SLC1A1: variants seen among roughly 807,000 people sequenced by gnomAD.
SLC1A1 encodes solute carrier family 1 member 1.
Under a neutral mutation model 53.3 loss-of-function variants are expected in SLC1A1, and 43 were observed. The ratio of observed to expected loss-of-function variants is 0.81; its 90% CI spans 0.63 to 1.04. SLC1A1 has a LOEUF of 1.04. SLC1A1 is among the 50% of genes least tolerant of loss of function. SLC1A1 has a pLI of 0.00. For synonymous variants in SLC1A1, 307 were observed against 243.2 expected (o/e 1.26, Z -2.44); for missense variants, 748 against 664.9 (o/e 1.12, Z -1.37).
intron 1 of SLC1A1, among the ~76,000 whole-genome samples, chr9:4,503,448 A>C (rs10974582): frequency 0.059 from 8,933 of 151,786 alleles, 1,147 homozygotes; most frequent in African/African-American, 0.2. Context: ...ATCCACAATC[A>C]CTAACATGAT....
intron 2 of SLC1A1, among the ~76,000 whole-genome samples, chr9:4,546,778 T>G (rs548539100): frequency 1.3e-5 from 2 of 152,376 alleles, no homozygotes; most frequent in African/African-American, 4.8e-5. Context: ...ATTATGGGCA[T>G]GAGCCACTGC....
At chr9:4,501,775 C>G (rs189616383) in intron 1 of SLC1A1, among the ~76,000 whole-genome samples, 9 of 150,968 alleles carry the variant, frequency 6.0e-5, no homozygotes, top group Admixed American at 5.9e-4. Context: ...CAAAACAAAA[C>G]AAAACAAAAC....
At chr9:4,521,773 G>T (rs190567955) in intron 1 of SLC1A1, among the ~76,000 whole-genome samples, 2 of 152,290 alleles carry the variant, frequency 1.3e-5, no homozygotes, top group East Asian at 1.9e-4. Context: ...GAGGGAAGGG[G>T]CAAGTGCAGT....
chr9:4,535,430 C>T (rs1816638275), intron 1 of SLC1A1, among the ~76,000 whole-genome samples: 1 of 152,016 alleles, frequency 6.6e-6, no homozygotes, highest in Non-Finnish European at 1.5e-5. Context: ...AAACAGAGAG[C>T]CAAATCATGA....
intron 1 of SLC1A1, among the ~76,000 whole-genome samples, chr9:4,537,588 T>TAAAAAAAAAA (rs1554679405): frequency 4.4e-5 from 1 of 22,820 alleles, no homozygotes; most frequent in African/African-American, 1.9e-4. Flanking sequence ...TAAAATAAAA[T>TAAAAAAAAAA]AAAATAAAAT....
chr9:4,556,263 A>G lies in SLC1A1; in HGVS notation c.233-5186A>G, dbSNP rs999292431. On this transcript the variant is annotated intron_variant, in intron 2 of 11. Transcript: ENST00000262352. This position sits in a 1 kb window ranked among gnomAD's most constrained non-coding sequence, Gnocchi z 4.1. Reference sequence around the variant, plus strand: ...TCAAACTCCTGACCTCAGGTGATCCACCTGCCTGGGCCTCCCAAAGTGCTG... The same window carrying G: ...TCAAACTCCTGACCTCAGGTGATCCGCCTGCCTGGGCCTCCCAAAGTGCTG... 6.6e-6 allele frequency among the ~76,000 whole-genome samples: 1 copy of G among 152,052 alleles called. No individual in the cohort carries two copies. Among genetic ancestry groups the G allele is most frequent in the Non-Finnish European group, 1.5e-5 (1 of 67,990 alleles).
At chr9:4,522,860 A>G (rs10116863) in intron 1 of SLC1A1, among the ~76,000 whole-genome samples, 3,296 of 152,274 alleles carry the variant, frequency 0.022, 121 homozygotes, top group African/African-American at 0.073. Context: ...CCCTTGACAC[A>G]TGGAGATTAT....
At chr9:4,554,850 A>C (rs1400127437) in intron 2 of SLC1A1, among the ~76,000 whole-genome samples, 1 of 152,258 alleles carries the variant, frequency 6.6e-6, no homozygotes, top group Admixed American at 6.5e-5. Context: ...TGAATGAATC[A>C]GTTAATGCTT....
intron 1 of SLC1A1, among the ~76,000 whole-genome samples, chr9:4,517,955 C>T (rs1177962576): frequency 3.9e-5 from 6 of 151,932 alleles, no homozygotes; most frequent in South Asian, 2.1e-4. Context: ...TAGCCGAGCA[C>T]GGTGGCTCAC....
intron 1 of SLC1A1, among the ~76,000 whole-genome samples, chr9:4,520,136 G>A (rs570275951): frequency 1.5e-4 from 23 of 152,224 alleles, no homozygotes; most frequent in African/African-American, 5.1e-4. Context: ...CATCTTTTGA[G>A]CTGTTAATAA....
chr9:4,581,169 C>G (rs538047196), intron 10 of SLC1A1, among the ~76,000 whole-genome samples: 40 of 152,286 alleles, frequency 2.6e-4, no homozygotes, highest in Non-Finnish European at 5.1e-4. Context: ...AAGTACATCA[C>G]CCAGGTGTGT....
At position 4,583,300 on chromosome 9, in the gene SLC1A1, T is replaced by G; in HGVS notation, c.1328+128T>G. On this transcript the variant is annotated intron_variant, in intron 11 of 11. Transcript: ENST00000262352. The surrounding 1 kb of genome is among the most constrained non-coding windows in gnomAD (Gnocchi z 4.6). ...GAGCCACCTGTTGCTGCTTTAATTT[T>G]CCTCTGACCAGGCCATCTGATAACA... The G allele has an allele frequency of 8.3e-7, 1 of 1,207,986 alleles. No homozygotes were observed. The highest frequency in any genetic ancestry group is 1.2e-6 in the Non-Finnish European group (1 of 819,788). 74.8% of individuals were successfully genotyped at this position (1,207,986 alleles called of 1,614,324 possible). A position where few individuals can be genotyped will look rare whatever the true frequency, so the allele number is the denominator to read the frequency against.
In SLC1A1 at chr9:4,564,295, G is replaced by C. The variant is rs1586807929; in HGVS notation, c.326-49G>C. On this transcript the variant is annotated intron_variant, in intron 3 of 11. Coordinates refer to ENST00000262352, the MANE Select transcript of SLC1A1 (RefSeq NM_004170.6). ...GTTCTAAAGGTGCCAGCTGTGCCAG[G>C]TGCCCTGGAAGGTTCCTAATGCTCT... 6 of 1,283,906 alleles carry C rather than the reference G, an allele frequency of 4.7e-6. No individual in the cohort carries two copies. The East Asian group carries it at 9.4e-5, about 20-fold the overall frequency. 79.5% of individuals were successfully genotyped at this position (1,283,906 alleles called of 1,614,324 possible). A position where few individuals can be genotyped will look rare whatever the true frequency, so the allele number is the denominator to read the frequency against.
chr9:4,536,074 C>G (rs1305431355), intron 1 of SLC1A1, among the ~76,000 whole-genome samples: 1 of 152,076 alleles, frequency 6.6e-6, no homozygotes, highest in African/African-American at 2.4e-5. Flanking sequence ...AATGTTAGAC[C>G]TAAAACCATA....
chr9:4,576,249 C>A, intron 9 of SLC1A1, 126 bp downstream of exon 9: 1 of 921,244 alleles, frequency 1.1e-6, no homozygotes, highest in Non-Finnish European at 1.8e-6. Flanking sequence ...CCTCCGTATT[C>A]TCGGCCCCTG....
At chr9:4,508,215 G>T (rs1177215230) in intron 1 of SLC1A1, among the ~76,000 whole-genome samples, 3 of 152,120 alleles carry the variant, frequency 2.0e-5, no homozygotes, top group African/African-American at 7.2e-5. Context: ...ATCACTTTAA[G>T]AGGAAAAAAG....
intron 10 of SLC1A1, among the ~76,000 whole-genome samples, chr9:4,579,203 C>A (rs1272044577): frequency 1.3e-5 from 2 of 152,220 alleles, no homozygotes; most frequent in African/African-American, 4.8e-5. Context: ...AGAGATTGAG[C>A]AAAGTCCTGT....
At chr9:4,553,980 A>G (rs1818157824) in intron 2 of SLC1A1, 1 of 152,220 alleles carries the variant, frequency 6.6e-6, no homozygotes, top group South Asian at 2.1e-4. Flanking sequence ...AAGTAAGATC[A>G]TATCCTGCCT....
At chr9:4,543,913 TCA>T (rs1817231335) in intron 1 of SLC1A1, among the ~76,000 whole-genome samples, 1 of 152,204 alleles carries the variant, frequency 6.6e-6, no homozygotes, top group Non-Finnish European at 1.5e-5. Context: ...GCATGGTGGT[TCA>T]CACCTGTAAT....
Sources: gnomAD v4.1 joint callset for allele counts (sites outside exome capture counted in the v4.1 genomes callset) on GRCh38, gnomAD v4.1.1 for gene constraint, Gnocchi (gnomAD v3.1) non-coding constraint, MANE v1.5 for transcripts, NCBI Gene and HGNC (gene_info 2026-07-23, HGNC 2026-07-21) for gene names.